PRPS2: variants seen among roughly 807,000 people sequenced by gnomAD.
The protein encoded by PRPS2 is ribose-phosphate pyrophosphokinase 2.
For missense variants in PRPS2, 104 were observed against 271.5 expected (o/e 0.38, Z 4.34); for synonymous variants, 111 against 115.3 (o/e 0.96, Z 0.24).
At position 12,810,065 on chromosome X, in the gene PRPS2, C is replaced by T; in HGVS notation, c.449C>T (p.Ala150Val). The T allele has an allele frequency of 8.3e-7, 1 of 1,210,639 alleles. No homozygotes were observed. The highest frequency in any genetic ancestry group is 1.7e-5 in the African/African-American group (1 of 57,925). The change falls in exon 4 of 7, where the codon GCA becomes GTA. Residue 150 changes from alanine (A) to valine (V), a missense_variant. Ala to Val is a moderately conservative substitution (Grantham distance 64). Coordinates refer to ENST00000380668, the MANE Select transcript of PRPS2 (RefSeq NM_002765.5). Reference sequence around the variant, plus strand: ...GTGGATAATTTGTATGCGGAGCCCGCAGTCCTGCAGTGGATTCGGGAAAAC... The same window carrying T: ...GTGGATAATTTGTATGCGGAGCCCGTAGTCCTGCAGTGGATTCGGGAAAAC... ...IPVDNLYAEP[A>V]VLQWIRENIA... is the part of the protein sequence containing the mutation.
intron 2 of PRPS2, among the ~76,000 whole-genome samples, chrX:12,802,742 T>G (rs753007313): frequency 1.1e-4 from 12 of 112,936 alleles, no homozygotes; most frequent in Non-Finnish European, 2.2e-4. Context: ...GAAAACATAT[T>G]TCTTTTCTTT....
At chrX:12,807,357 A>G (rs964511261) in intron 2 of PRPS2, among the ~76,000 whole-genome samples, 10 of 112,465 alleles carry the variant, frequency 8.9e-5, no homozygotes, top group African/African-American at 3.2e-4. Context: ...ATCCTATCAC[A>G]TTGGCAACAC....
intron 4 of PRPS2, among the ~76,000 whole-genome samples, chrX:12,810,850 T>TAAAAA (rs540857235): frequency 1.1e-5 from 1 of 89,599 alleles, no homozygotes; most frequent in Admixed American, 1.2e-4. Context: ...ACCCTGACTC[T>TAAAAA]AAAAAAAAAA....
chrX:12,817,491 G>GAAAAAAAAAAAA (rs2042654027), intron 4 of PRPS2, among the ~76,000 whole-genome samples: 2 of 54,333 alleles, frequency 3.7e-5, no homozygotes, highest in Non-Finnish European at 7.5e-5. Flanking sequence ...AAAAAAAAAG[G>GAAAAAAAAAAAA]AAATATTAGC....
At chrX:12,822,519 G>A (rs1272250477) in intron 6 of PRPS2, among the ~76,000 whole-genome samples, 185 bp from the exon 7 acceptor site, 2 of 112,286 alleles carry the variant, frequency 1.8e-5, no homozygotes, top group African/African-American at 3.2e-5. Context: ...CTGGTTCAAC[G>A]GGTTGTAATT....
rs950854765 is a variant in PRPS2, at chrX:12,803,446, C to T, written c.306+4056C>T. ...GGGACTACAGGTGCACACCACCACG[C>T]CTGGCTAATATTTTTTGCTTTTTGT... On this transcript the variant is annotated intron_variant, in intron 2 of 6. Coordinates refer to ENST00000380668, the MANE Select transcript of PRPS2 (RefSeq NM_002765.5). Among the ~76,000 whole-genome samples, 25 of 112,481 alleles carry T rather than the reference C, an allele frequency of 2.2e-4. 1 individual carries two copies. Among genetic ancestry groups the T allele is most frequent in the African/African-American group, 7.7e-4 (24 of 30,989 alleles).
intron 5 of PRPS2, among the ~76,000 whole-genome samples, chrX:12,820,359 G>T (rs2042669572): frequency 1.8e-5 from 2 of 111,047 alleles, no homozygotes; most frequent in Admixed American, 1.9e-4. Context: ...GTCGTTAGTG[G>T]GTAGAGGCCA....
At position 12,810,129 on chromosome X, in the gene PRPS2, C is replaced by T. The variant is rs773722241; in HGVS notation, c.513C>T (p.Asp171=). Residue 171 remains aspartate (D), a synonymous_variant, in exon 4 of 7, where the codon GAC becomes GAT. Transcript: ENST00000380668. ...EWKNCIIVSP[D]AGGAKRVTSI... ...AGAACTGTATCATTGTTTCACCTGA[C>T]GCAGGGGGAGCCAAAAGGTATCATG... 6.6e-6 allele frequency: 8 copies of T among 1,211,888 alleles called. No individual in the cohort carries two copies. The highest frequency in any genetic ancestry group is 4.5e-6 in the Non-Finnish European group (4 of 895,499).
intron 1 of PRPS2, among the ~76,000 whole-genome samples, chrX:12,798,031 C>G (rs1472639009): frequency 8.9e-6 from 1 of 111,818 alleles, no homozygotes; most frequent in African/African-American, 3.3e-5. Context: ...TAACCCAGGC[C>G]TGCCACCCCT....
intron 3 of PRPS2, among the ~76,000 whole-genome samples, 184 bp downstream of exon 3, chrX:12,809,516 A>G (rs1266347): frequency 0.32 from 35,567 of 110,802 alleles, 4,606 homozygotes; most frequent in East Asian, 0.46. Flanking sequence ...CCCCCAGTCA[A>G]TTTTGGAGGA....
At chrX:12,816,923 C>T (rs2047223181) in intron 4 of PRPS2, among the ~76,000 whole-genome samples, 1 of 111,783 alleles carries the variant, frequency 8.9e-6, no homozygotes, top group Non-Finnish European at 1.9e-5. Context: ...TCTCATATCA[C>T]ATTGAAGATA....
In PRPS2 at chrX:12,792,493, C is replaced by G. The variant is rs761462466; in HGVS notation, c.122+874C>G. On this transcript the variant is annotated intron_variant, in intron 1 of 6. Coordinates refer to ENST00000380668, the MANE Select transcript of PRPS2 (RefSeq NM_002765.5). ...GAGAGCCTCAGGTGGTGGCCATCCT[C>G]GGAAGCTGACCTGGGGGGCTCCTTT... Among the ~76,000 whole-genome samples the G allele has an allele frequency of 2.7e-5, 3 of 112,020 alleles. No individual in the cohort carries two copies. The South Asian group carries it at 1.1e-3, about 42-fold the overall frequency.
rs371157581 is a variant in PRPS2, at chrX:12,809,278, G to A, written c.351G>A (p.Ser117=). The A allele has an allele frequency of 4.2e-5, 51 of 1,208,150 alleles. No individual in the cohort carries two copies. Among genetic ancestry groups the A allele is most frequent in the Non-Finnish European group, 5.7e-5 (51 of 894,720 alleles). Reference sequence around the variant, plus strand: ...CAAAACTTGTGGCCAATATGCTGTCGGTGGCTGGGGCGGATCACATCATCA... The same window carrying A: ...CAAAACTTGTGGCCAATATGCTGTCAGTGGCTGGGGCGGATCACATCATCA... ...ISAKLVANML[S]VAGADHIITM... is the part of the protein sequence containing the mutation. The change falls in exon 3 of 7, where the codon TCG becomes TCA. Residue 117 remains serine, a synonymous_variant. Coordinates refer to ENST00000380668, the MANE Select transcript of PRPS2 (RefSeq NM_002765.5).
In PRPS2 at chrX:12,819,673, G is replaced by A; in HGVS notation, c.697G>A (p.Ala233Thr). ...ADTCGTICHA[A>T]DKLLSAGATK... is the part of the protein sequence containing the mutation. ...CACTTGCGGCACCATCTGCCATGCT[G>A]CGGACAAGTACGCAGGGCGGTGGGG... Residue 233 changes from alanine (A) to threonine (T), a missense_variant, in exon 5 of 7, where the codon GCG (alanine) becomes ACG (threonine). Transcript: ENST00000380668. 1 of 1,210,582 alleles carries A rather than the reference G, an allele frequency of 8.3e-7. No homozygotes were observed. The highest frequency in any genetic ancestry group is 3.0e-5 in the East Asian group (1 of 33,816).
At chrX:12,793,451 CCAT>C (rs758209330) in intron 1 of PRPS2, among the ~76,000 whole-genome samples, 59 of 112,837 alleles carry the variant, frequency 5.2e-4, no homozygotes, top group Non-Finnish European at 3.0e-4. Context: ...CATTTTATAA[CCAT>C]CACTTGATAA....
chrX:12,816,016 C>G (rs1354392243), intron 4 of PRPS2, among the ~76,000 whole-genome samples: 1 of 111,362 alleles, frequency 9.0e-6, no homozygotes, highest in Non-Finnish European at 1.9e-5. Context: ...TTAATTAAAT[C>G]TTTAAGTAAG....
chrX:12,819,037 A>T (rs2042663096), intron 4 of PRPS2, among the ~76,000 whole-genome samples: 1 of 111,864 alleles, frequency 8.9e-6, no homozygotes, highest in Non-Finnish European at 1.9e-5. Context: ...GAGGAGCTGG[A>T]CTCACAGTTT....
chrX:12,805,227 C>G (rs1323635673), intron 2 of PRPS2, among the ~76,000 whole-genome samples: 1 of 112,409 alleles, frequency 8.9e-6, no homozygotes, highest in Non-Finnish European at 1.9e-5. Context: ...GCCAAGTGGT[C>G]TGAGCTCTGG....
At chrX:12,797,738 G>C (rs1344451302) in intron 1 of PRPS2, among the ~76,000 whole-genome samples, 1 of 112,311 alleles carries the variant, frequency 8.9e-6, no homozygotes, top group Non-Finnish European at 1.9e-5. Context: ...TGAGCACACA[G>C]CACTATTTTC....
Sources: allele counts gnomAD v4.1 joint callset (sites outside exome capture counted in the v4.1 genomes callset), GRCh38; gene constraint gnomAD v4.1.1; transcripts MANE v1.5; gene names NCBI Gene and HGNC (gene_info 2026-07-23, HGNC 2026-07-21).